Variants in LUZP2 observed in about 807,000 individuals in gnomAD.
LUZP2 encodes leucine zipper protein 2.
A neutral mutation model predicts 51.6 loss-of-function variants in LUZP2; 52 were observed. That is an observed-to-expected ratio of 1.01 (90% CI 0.81 to 1.27). The LOEUF is 1.27. Among genes scored for constraint, LUZP2 ranks in the 50% most tolerant of loss-of-function variants. The pLI is 0.00. For synonymous variants in LUZP2, 154 were observed against 137.3 expected (o/e 1.12, Z -0.85); for missense variants, 436 against 395.4 (o/e 1.10, Z -0.87).
chr11:24,502,362 G>A (rs1328082234), intron 1 of LUZP2, among the ~76,000 whole-genome samples: 1 of 149,422 alleles, frequency 6.7e-6, no homozygotes, highest in African/African-American at 2.5e-5. Context: ...TATTAGGCTA[G>A]TTTTTTTCCA....
At position 24,639,812 on chromosome 11, in the gene LUZP2, G is replaced by C. The variant is rs959867559; in HGVS notation, c.63-89357G>C. 2.0e-5 allele frequency among the ~76,000 whole-genome samples: 3 copies of C among 151,782 alleles called. 1 individual carries two copies. Among genetic ancestry groups the C allele is most frequent in the African/African-American group, 7.3e-5 (3 of 41,122 alleles). On this transcript the variant is annotated intron_variant, in intron 1 of 11. Coordinates refer to ENST00000336930, the MANE Select transcript of LUZP2 (RefSeq NM_001009909.4). ...CCATCTCTTTCCTCTACTGTAATAT[G>C]TGGACATTCTCTCTCACTGCAGTTC...
chr11:24,907,806 G>A (rs771973197), intron 6 of LUZP2, among the ~76,000 whole-genome samples: 21 of 152,066 alleles, frequency 1.4e-4, no homozygotes, highest in African/African-American at 1.7e-4. Flanking sequence ...AGAATAATTC[G>A]TATTTTTTCT....
At chr11:24,634,576 C>T (rs995911509) in intron 1 of LUZP2, among the ~76,000 whole-genome samples, 5 of 151,712 alleles carry the variant, frequency 3.3e-5, no homozygotes, top group Non-Finnish European at 5.9e-5. Flanking sequence ...TTCAAGTTCT[C>T]CTAGTGTTTT....
intron 1 of LUZP2, among the ~76,000 whole-genome samples, chr11:24,597,444 G>C (rs1421755741): frequency 6.6e-6 from 1 of 152,146 alleles, no homozygotes; most frequent in African/African-American, 2.4e-5. Context: ...TACATTCAAA[G>C]GTTCAGTGTT....
intron 5 of LUZP2, among the ~76,000 whole-genome samples, chr11:24,854,717 C>A (rs1851503190): frequency 6.7e-6 from 1 of 149,310 alleles, no homozygotes; most frequent in African/African-American, 2.5e-5. Context: ...TCTGCCCAAA[C>A]AACTGCCCCA....
chr11:24,930,437 C>T (rs944993452), intron 7 of LUZP2, among the ~76,000 whole-genome samples: 3 of 152,108 alleles, frequency 2.0e-5, no homozygotes, highest in African/African-American at 7.2e-5. Context: ...TTGGCAAAAT[C>T]GCTCAGTATT....
At chr11:24,751,528 T>G in intron 4 of LUZP2, 1 of 943,330 alleles carries the variant, frequency 1.1e-6, no homozygotes, top group Non-Finnish European at 1.3e-6. Flanking sequence ...CCTGCTAGAA[T>G]GAGAAGTAAT....
chr11:24,731,322 A>AT (rs1858705526), intron 2 of LUZP2, among the ~76,000 whole-genome samples: 1 of 151,674 alleles, frequency 6.6e-6, no homozygotes, highest in Non-Finnish European at 1.5e-5. Context: ...GTTCCCTACC[A>AT]GTCACAACTA....
chr11:24,941,747 T>G (rs1481912118), intron 7 of LUZP2, among the ~76,000 whole-genome samples: 2 of 152,156 alleles, frequency 1.3e-5, no homozygotes, highest in Non-Finnish European at 2.9e-5. Context: ...ATTTAAAAAT[T>G]TAATGTATTT....
At chr11:24,996,572 TTTTTA>T (rs67696322) in intron 9 of LUZP2, among the ~76,000 whole-genome samples, 1,779 of 132,598 alleles carry the variant, frequency 0.013, 37 homozygotes, top group African/African-American at 0.043. Context: ...CTTTTTTCTT[TTTTTA>T]TTTTATTTTA....
At chr11:24,898,583 A>G (rs934307204) in intron 5 of LUZP2, among the ~76,000 whole-genome samples, 1 of 152,012 alleles carries the variant, frequency 6.6e-6, no homozygotes. Flanking sequence ...AGATCGTGCC[A>G]CTGTACTCCA....
chr11:24,560,967 T>G (rs1229486441), intron 1 of LUZP2, among the ~76,000 whole-genome samples: 1 of 151,862 alleles, frequency 6.6e-6, no homozygotes, highest in Non-Finnish European at 1.5e-5. Context: ...GAGTGTAGAC[T>G]TGGGATATGA....
At chr11:24,999,321 A>G (rs1428196470) in intron 9 of LUZP2, among the ~76,000 whole-genome samples, 1 of 151,962 alleles carries the variant, frequency 6.6e-6, no homozygotes, top group Non-Finnish European at 1.5e-5. Context: ...AGAGAAGGGA[A>G]GAAGAAGGGG....
At chr11:24,990,141 C>G (rs1856296560) in intron 9 of LUZP2, among the ~76,000 whole-genome samples, 1 of 151,998 alleles carries the variant, frequency 6.6e-6, no homozygotes, top group Non-Finnish European at 1.5e-5. Flanking sequence ...GATTGTTCAT[C>G]TCCCCTAAAC....
intron 1 of LUZP2, among the ~76,000 whole-genome samples, chr11:24,648,270 A>T (rs1855522151): frequency 6.6e-6 from 1 of 151,846 alleles, no homozygotes; most frequent in Non-Finnish European, 1.5e-5. Flanking sequence ...CCTGGTAATT[A>T]TAAGTATCTC....
intron 10 of LUZP2, among the ~76,000 whole-genome samples, chr11:25,060,046 T>C (rs1473834330): frequency 6.6e-6 from 1 of 152,144 alleles, no homozygotes; most frequent in Non-Finnish European, 1.5e-5. Flanking sequence ...CAGCATCTGA[T>C]TGATGTGGGT....
At chr11:24,828,526 A>G (rs1241683769) in intron 5 of LUZP2, among the ~76,000 whole-genome samples, 1 of 150,724 alleles carries the variant, frequency 6.6e-6, no homozygotes, top group Admixed American at 6.6e-5. Flanking sequence ...CCTGCACTAC[A>G]GATACCTTGC....
chr11:24,734,111 G>C (rs1029481720), intron 3 of LUZP2, among the ~76,000 whole-genome samples: 3 of 151,756 alleles, frequency 2.0e-5, no homozygotes, highest in Admixed American at 1.3e-4. Flanking sequence ...AAATTACTCT[G>C]TCAAACCCAT....
At chr11:25,067,226 A>C (rs1590893321) in intron 10 of LUZP2, among the ~76,000 whole-genome samples, 1 of 151,814 alleles carries the variant, frequency 6.6e-6, no homozygotes, top group Non-Finnish European at 1.5e-5. Flanking sequence ...CTTTTTGATG[A>C]AGTTGTTTTT....
Sources: allele counts gnomAD v4.1 joint callset (sites outside exome capture counted in the v4.1 genomes callset), GRCh38; gene constraint gnomAD v4.1.1; transcripts MANE v1.5; gene names NCBI Gene and HGNC (gene_info 2026-07-23, HGNC 2026-07-21).